FAM83G: variants seen among roughly 807,000 people sequenced by gnomAD.
FAM83G encodes the protein protein FAM83G.
In FAM83G, 38 loss-of-function variants were observed where a neutral mutation model predicts 61.5. That is an observed-to-expected ratio of 0.62 (90% CI 0.48 to 0.81). The LOEUF (loss-of-function observed/expected upper bound fraction) is 0.81. FAM83G is among the 30% of genes least tolerant of loss of function. The probability of loss-of-function intolerance (pLI) is 0.00; values close to 1 mark genes in which losing one functional copy is unlikely to be tolerated. For synonymous variants in FAM83G, 470 were observed against 476.1 expected (o/e 0.99, Z 0.17); for missense variants, 989 against 1,133.6 (o/e 0.87, Z 1.83).
chr17:18,981,568 C>G (rs556850753), intron 3 of FAM83G, among the ~76,000 whole-genome samples: 1 of 152,168 alleles, frequency 6.6e-6, no homozygotes, highest in Non-Finnish European at 1.5e-5. Flanking sequence ...CCATGCCATC[C>G]AGCCTCCTGC....
chr17:19,002,475 C>A (rs1229394619), intron 2 of FAM83G, among the ~76,000 whole-genome samples: 1 of 152,246 alleles, frequency 6.6e-6, no homozygotes, highest in Non-Finnish European at 1.5e-5. Context: ...CCGAAGCCAG[C>A]ATTCTGGTCT....
chr17:19,000,643 A>G lies in FAM83G; in HGVS notation c.522+2877T>C, dbSNP rs1029238506. On this transcript the variant is annotated intron_variant, in intron 2 of 5. Coordinates refer to ENST00000388995, the MANE Select transcript of FAM83G (RefSeq NM_001039999.3). This position sits in a 1 kb window ranked among gnomAD's most constrained non-coding sequence, Gnocchi z 5.2. The stretch of plus-strand genomic sequence containing the variant: ...GGCTGGGCTGTCCTGACTCAGCCCC[A>G]GCAGCCCCAGCCTAAAGCCCCCGGT... 2.0e-5 allele frequency among the ~76,000 whole-genome samples: 3 copies of G among 152,154 alleles called. No individual in the cohort carries two copies. Among genetic ancestry groups the G allele is most frequent in the African/African-American group, 7.2e-5 (3 of 41,454 alleles).
At chr17:18,989,709 G>A (rs1459053983) in intron 2 of FAM83G, among the ~76,000 whole-genome samples, 3 of 152,174 alleles carry the variant, frequency 2.0e-5, no homozygotes, top group Non-Finnish European at 2.9e-5. Flanking sequence ...CAGTCACCCC[G>A]CACGTTCCCA....
chr17:18,977,287 G>A (rs1948415628), intron 5 of FAM83G: 6 of 577,740 alleles, frequency 1.0e-5, no homozygotes, highest in African/African-American at 1.9e-5. Context: ...CATCTGGCAG[G>A]TGCCATCAAG....
intron 2 of FAM83G, among the ~76,000 whole-genome samples, chr17:18,998,634 A>G (rs1422522666): frequency 6.6e-6 from 1 of 152,148 alleles, no homozygotes; most frequent in Non-Finnish European, 1.5e-5. Flanking sequence ...CTCTCCTTAG[A>G]GCTCCTTCCT....
intron 3 of FAM83G, among the ~76,000 whole-genome samples, chr17:18,985,310 C>CT (rs1348672693): frequency 8.5e-5 from 13 of 152,226 alleles, no homozygotes; most frequent in Non-Finnish European, 2.9e-5. Context: ...TAGAAGGATT[C>CT]AGTGACTCTG....
rs750073061 is a variant in FAM83G at position 18,976,881 on chromosome 17, C to T, written c.2082+703G>A. ...CATCGTGCAGCGATCACTGTCAGCC[C>T]GGGACCTGAACCATGCCAAGGCGGG... On this transcript the variant is annotated intron_variant, in intron 5 of 5. Coordinates refer to ENST00000388995, the MANE Select transcript of FAM83G (RefSeq NM_001039999.3). 4.1e-5 allele frequency: 66 copies of T among 1,613,480 alleles called. No homozygotes were observed. In the Admixed American group the frequency reaches 4.8e-4, roughly 12 times the overall value.
intron 2 of FAM83G, among the ~76,000 whole-genome samples, chr17:18,993,172 C>CCCCTCTCCCCGACGCTTCCTGAT (rs1287819006): frequency 6.6e-6 from 1 of 152,132 alleles, no homozygotes; most frequent in Non-Finnish European, 1.5e-5. Flanking sequence ...CGCATCCTGA[C>CCCCTCTCCCCGACGCTTCCTGAT]CCCTCTCCCC....
intron 2 of FAM83G, among the ~76,000 whole-genome samples, chr17:19,001,362 TG>T (rs1335120622): frequency 6.6e-6 from 1 of 152,206 alleles, no homozygotes; most frequent in African/African-American, 2.4e-5. Context: ...TAGTCTCTAC[TG>T]CCTCTGAGGC....
At chr17:18,990,414 G>C (rs906945098) in intron 2 of FAM83G, among the ~76,000 whole-genome samples, 2 of 152,112 alleles carry the variant, frequency 1.3e-5, no homozygotes, top group Non-Finnish European at 2.9e-5. Flanking sequence ...AATCTCCTTA[G>C]TTAAGCCACT....
chr17:18,972,129 C>T (rs2042871254), intron 5 of FAM83G, among the ~76,000 whole-genome samples: 1 of 152,192 alleles, frequency 6.6e-6, no homozygotes, highest in Non-Finnish European at 1.5e-5. Context: ...GTCACCAGCC[C>T]TCCAGGTGAC....
At chr17:18,981,064 C>T (rs2043119499) in intron 3 of FAM83G, among the ~76,000 whole-genome samples, 1 of 152,212 alleles carries the variant, frequency 6.6e-6, no homozygotes, top group African/African-American at 2.4e-5. Context: ...ACATAGTCAT[C>T]AACCCCTGCC....
At chr17:18,991,075 C>T (rs938363276) in intron 2 of FAM83G, among the ~76,000 whole-genome samples, 4 of 152,196 alleles carry the variant, frequency 2.6e-5, no homozygotes, top group African/African-American at 9.7e-5. Context: ...CACCGGGAGG[C>T]AGTGGTTCTT....
intron 5 of FAM83G, chr17:18,976,878 GC>G (rs753372898): frequency 6.2e-7 from 1 of 1,613,600 alleles, no homozygotes; most frequent in South Asian, 1.1e-5. Context: ...ATCACTGTCA[GC>G]CCGGGACCTG....
intron 2 of FAM83G, among the ~76,000 whole-genome samples, chr17:18,993,431 G>GT (rs2043481714): frequency 6.6e-6 from 1 of 152,194 alleles, no homozygotes; most frequent in African/African-American, 2.4e-5. Flanking sequence ...CAAGACTCGG[G>GT]TAAGAGGGGA....
chr17:18,979,336 C>T, intron 4 of FAM83G: 1 of 636,450 alleles, frequency 1.6e-6, no homozygotes, highest in African/African-American at 1.8e-5. Context: ...AGGCCGGTGA[C>T]ATCTCCAAGC....
chr17:19,002,182 T>C (rs935273551), intron 2 of FAM83G, among the ~76,000 whole-genome samples: 1 of 152,194 alleles, frequency 6.6e-6, no homozygotes, highest in African/African-American at 2.4e-5. Context: ...ATCTTCACAA[T>C]AGCCAAAGAT....
intron 3 of FAM83G, 92 bp from the exon 4 acceptor site, chr17:18,979,765 G>T: frequency 6.9e-7 from 1 of 1,445,788 alleles, no homozygotes. Flanking sequence ...GCTCAGAGGG[G>T]ACTCTGGAGT....
Position 19,003,622 on chromosome 17 carries a change from G to A in FAM83G, c.420C>T (p.Ala140=). ...QLDLGWPDTI[A]YRGVTRASVY... ...CGCTAGCCCGGGTCACGCCGCGGTA[G>A]GCGATGGTGTCGGGCCAGCCCAGGT... The change falls in exon 2 of 6, where the codon GCC becomes GCT. Residue 140 remains alanine, a synonymous_variant. Coordinates refer to ENST00000388995, the MANE Select transcript of FAM83G (RefSeq NM_001039999.3). The surrounding 1 kb of genome is among the most constrained non-coding windows in gnomAD (Gnocchi z 4.5). 2 of 1,612,288 alleles carry A rather than the reference G, an allele frequency of 1.2e-6. No individual in the cohort carries two copies. The highest frequency in any genetic ancestry group is 2.2e-5 in the South Asian group (2 of 90,966).
Sources: allele counts gnomAD v4.1 joint callset (sites outside exome capture counted in the v4.1 genomes callset), GRCh38; gene constraint gnomAD v4.1.1; non-coding constraint Gnocchi (gnomAD v3.1); transcripts MANE v1.5; gene names NCBI Gene and HGNC (gene_info 2026-07-23, HGNC 2026-07-21).